LINC00305: variants seen among roughly 807,000 people sequenced by gnomAD.
LINC00305 encodes long independently transcribed non-coding RNA 305.
intron 1 of LINC00305, among the ~76,000 whole-genome samples, chr18:64,108,283 C>T (rs2144246966): frequency 6.6e-6 from 1 of 152,230 alleles, no homozygotes; most frequent in East Asian, 1.9e-4. Flanking sequence ...ATAAAGGAAG[C>T]TAAGGATGGC....
At chr18:64,088,071 C>T (rs2051210858) in intron 3 of LINC00305, among the ~76,000 whole-genome samples, 1 of 151,640 alleles carries the variant, frequency 6.6e-6, no homozygotes, top group Non-Finnish European at 1.5e-5. Context: ...TGCCGGGAGG[C>T]GGAGCTTGCC....
chr18:64,080,673 A>G (rs986159229), intron 3 of LINC00305, among the ~76,000 whole-genome samples: 2 of 152,202 alleles, frequency 1.3e-5, no homozygotes, highest in Admixed American at 6.6e-5. Context: ...TTTATGGTGT[A>G]TAAAATTGAA....
chr18:64,148,141 C>T (rs998879304), intron 1 of LINC00305, among the ~76,000 whole-genome samples: 1 of 152,038 alleles, frequency 6.6e-6, no homozygotes, highest in African/African-American at 2.4e-5. Flanking sequence ...AGGATCTCCA[C>T]CCAACCTCAA....
At chr18:64,081,790 C>G (rs952466226) in intron 3 of LINC00305, among the ~76,000 whole-genome samples, 2 of 152,188 alleles carry the variant, frequency 1.3e-5, no homozygotes, top group African/African-American at 2.4e-5. Context: ...TCTGGGGCGA[C>G]AGCTAGCCCA....
chr18:64,131,441 A>G (rs2051409457), intron 1 of LINC00305, among the ~76,000 whole-genome samples: 1 of 152,232 alleles, frequency 6.6e-6, no homozygotes, highest in Non-Finnish European at 1.5e-5. Context: ...AGCTAAATCT[A>G]CATAGGAAAA....
chr18:64,131,235 T>C (rs770554614), intron 1 of LINC00305, among the ~76,000 whole-genome samples: 32 of 152,356 alleles, frequency 2.1e-4, no homozygotes, highest in African/African-American at 7.2e-4. Context: ...TGACTAAACG[T>C]TGGAACTACA....
intron 1 of LINC00305, among the ~76,000 whole-genome samples, chr18:64,102,985 A>C (rs962541636): frequency 4.6e-5 from 7 of 152,168 alleles, no homozygotes; most frequent in Non-Finnish European, 1.5e-5. Context: ...GCCAGTGATC[A>C]ACTTATGTTT....
intron 1 of LINC00305, among the ~76,000 whole-genome samples, chr18:64,113,159 G>A (rs1257923546): frequency 6.6e-6 from 1 of 152,176 alleles, no homozygotes; most frequent in Admixed American, 6.5e-5. Flanking sequence ...CCCTACACTA[G>A]GCAGAGGCAT....
Position 64,143,167 on chromosome 18 carries a change from T to C in LINC00305, n.314+5608A>G, listed in dbSNP as rs149028682. Among the ~76,000 whole-genome samples the C allele has an allele frequency of 1.2e-3, 184 of 152,290 alleles. 1 individual carries two copies. Among genetic ancestry groups the C allele is most frequent in the African/African-American group, 4.1e-3 (170 of 41,574 alleles). ...AAGAAATGTATCTGGCCTTGGGTTA[T>C]GTGGTTATAATATAATTTAGTCCTT... On this transcript the variant is annotated intron_variant and non_coding_transcript_variant, in intron 1 of 3. Coordinates refer to ENST00000666468, the Ensembl canonical transcript of LINC00305.
At chr18:64,140,797 T>C (rs2051458595) in intron 1 of LINC00305, among the ~76,000 whole-genome samples, 1 of 152,052 alleles carries the variant, frequency 6.6e-6, no homozygotes, top group Non-Finnish European at 1.5e-5. Flanking sequence ...TGGGTGTGCC[T>C]GATATAATCA....
rs555196239 is a variant in LINC00305, at chr18:64,129,777, C to A, written n.314+18998G>T. Among the ~76,000 whole-genome samples, 6 of 152,214 alleles carry A rather than the reference C, an allele frequency of 3.9e-5. No homozygotes were observed. In the South Asian group the frequency reaches 1.2e-3, roughly 32 times the overall value. On this transcript the variant is annotated intron_variant and non_coding_transcript_variant, in intron 1 of 3. Transcript: ENST00000666468. Reference sequence around the variant, plus strand: ...TGGACAATTGCAATCTTTCCAACTGCTTCTTTTTTGTAGCTTCCTTGTAGC... The same window carrying A: ...TGGACAATTGCAATCTTTCCAACTGATTCTTTTTTGTAGCTTCCTTGTAGC...
chr18:64,100,270 C>G (rs770587718), intron 1 of LINC00305, among the ~76,000 whole-genome samples: 4 of 151,992 alleles, frequency 2.6e-5, no homozygotes, highest in Non-Finnish European at 5.9e-5. Context: ...TTCTTTAACA[C>G]CCCCTCAAAG....
At chr18:64,123,641 TC>T (rs1415699691) in intron 1 of LINC00305, among the ~76,000 whole-genome samples, 1 of 152,088 alleles carries the variant, frequency 6.6e-6, no homozygotes, top group Non-Finnish European at 1.5e-5. Flanking sequence ...GAATGCTCTT[TC>T]CTTTCACATT....
At chr18:64,119,462 G>A (rs1000397170) in intron 1 of LINC00305, among the ~76,000 whole-genome samples, 4 of 152,062 alleles carry the variant, frequency 2.6e-5, no homozygotes, top group African/African-American at 9.7e-5. Flanking sequence ...CTAATTAATT[G>A]CGTATTGAGT....
chr18:64,105,945 C>T (rs976472358), intron 1 of LINC00305, among the ~76,000 whole-genome samples: 3 of 152,192 alleles, frequency 2.0e-5, no homozygotes, highest in Admixed American at 2.0e-4. Context: ...TATCCCTGTG[C>T]TTTCTCATGT....
At chr18:64,093,941 C>T (rs1027193314) in intron 3 of LINC00305, among the ~76,000 whole-genome samples, 1 of 152,034 alleles carries the variant, frequency 6.6e-6, no homozygotes, top group Non-Finnish European at 1.5e-5. Flanking sequence ...AAGAAGTGCA[C>T]ACAAAATATG....
At chr18:64,135,612 G>A (rs957003370) in intron 1 of LINC00305, among the ~76,000 whole-genome samples, 1 of 152,106 alleles carries the variant, frequency 6.6e-6, no homozygotes. Context: ...TTGAGACAGA[G>A]TCTCGCTCTG....
chr18:64,091,703 T>G (rs545321343), intron 3 of LINC00305, among the ~76,000 whole-genome samples: 1 of 152,346 alleles, frequency 6.6e-6, no homozygotes, highest in South Asian at 2.1e-4. Flanking sequence ...ATCTGCTTCT[T>G]CATTTCACCA....
At chr18:64,103,463 T>G (rs1425271350) in intron 1 of LINC00305, among the ~76,000 whole-genome samples, 1 of 152,192 alleles carries the variant, frequency 6.6e-6, no homozygotes, top group Non-Finnish European at 1.5e-5. Flanking sequence ...TCCTGGTTGT[T>G]TTCTCGTTGT....
Sources: allele counts gnomAD v4.1 joint callset (sites outside exome capture counted in the v4.1 genomes callset), GRCh38; gene constraint gnomAD v4.1.1; transcripts MANE v1.5; gene names NCBI Gene and HGNC (gene_info 2026-07-23, HGNC 2026-07-21).